RAB3IL1: variants seen among roughly 807,000 people sequenced by gnomAD.
RAB3IL1 encodes the protein guanine nucleotide exchange factor for Rab-3A.
In RAB3IL1, 37 loss-of-function variants were observed where a neutral mutation model predicts 49.2. The observed-to-expected ratio is 0.75, with a 90% CI of 0.58 to 0.99. The LOEUF (loss-of-function observed/expected upper bound fraction) is 0.99. RAB3IL1 is among the 50% of genes least tolerant of loss of function. The pLI is 0.00. For synonymous variants in RAB3IL1, 193 were observed against 213.9 expected (o/e 0.90, Z 0.85); for missense variants, 484 against 513.0 (o/e 0.94, Z 0.55).
chr11:61,913,609 T>C (rs535701019), intron 1 of RAB3IL1, among the ~76,000 whole-genome samples: 1 of 152,226 alleles, frequency 6.6e-6, no homozygotes, highest in South Asian at 2.1e-4. Flanking sequence ...AGGGGGCGCA[T>C]CTCACTACTC....
the RAB3IL1 span, among the ~76,000 whole-genome samples, chr11:61,940,134 G>A: frequency 1.3e-5 from 2 of 152,138 alleles, no homozygotes; most frequent in African/African-American, 4.8e-5. Context: ...GATAGAGCAA[G>A]ATGCTGTCTC....
intron 1 of RAB3IL1, among the ~76,000 whole-genome samples, chr11:61,916,646 G>C (rs910645974): frequency 6.6e-6 from 1 of 152,212 alleles, no homozygotes; most frequent in African/African-American, 2.4e-5. Context: ...CCCGGCCACG[G>C]GGAAGAGGAA....
upstream of RAB3IL1, among the ~76,000 whole-genome samples, chr11:61,923,598 A>G (rs368504145): frequency 6.7e-6 from 1 of 149,928 alleles, no homozygotes; most frequent in Non-Finnish European, 1.5e-5. Context: ...CCCCAAAAAC[A>G]TGTGTGCAGG....
upstream of RAB3IL1, chr11:61,917,690 A>G (rs1199464230): frequency 4.1e-6 from 2 of 492,986 alleles, no homozygotes; most frequent in Non-Finnish European, 5.2e-6. Flanking sequence ...CGGGACAGGG[A>G]GACCACGGCG....
At chr11:61,917,967 G>T (rs1190256575), upstream of RAB3IL1, among the ~76,000 whole-genome samples, 1 of 152,154 alleles carries the variant, frequency 6.6e-6, no homozygotes, top group Non-Finnish European at 1.5e-5. Context: ...CTGCCTGCTG[G>T]GAAGGGGAGG....
the RAB3IL1 span, among the ~76,000 whole-genome samples, chr11:61,940,458 A>G: frequency 6.6e-6 from 1 of 151,904 alleles, no homozygotes; most frequent in East Asian, 1.9e-4. Flanking sequence ...AAAAGAAAAA[A>G]AAAAGTAAAT....
At chr11:61,944,242 C>CCTTCCTTCCTTT in the RAB3IL1 span, among the ~76,000 whole-genome samples, 306 of 127,370 alleles carry the variant, frequency 2.4e-3, 2 homozygotes, top group South Asian at 3.1e-3. Context: ...TTCCTTCCTT[C>CCTTCCTTCCTTT]CTTCCTTCCT....
At chr11:61,920,016 T>A, upstream of RAB3IL1, 1 of 1,239,852 alleles carries the variant, frequency 8.1e-7, no homozygotes, top group African/African-American at 1.5e-5. Context: ...CCCCCTCCCC[T>A]CCATGCCCCA....
the RAB3IL1 span, among the ~76,000 whole-genome samples, chr11:61,932,562 T>C: frequency 6.6e-6 from 1 of 152,166 alleles, no homozygotes. Flanking sequence ...TGTATAGCAA[T>C]GAGCAAAACA....
In RAB3IL1 at chr11:61,917,348, C is replaced by A. The variant is rs1342699338; in HGVS notation, c.11+9G>T. The A allele has an allele frequency of 7.8e-7, 1 of 1,280,186 alleles. No individual in the cohort carries two copies. The highest frequency in any genetic ancestry group is 9.9e-7 in the Non-Finnish European group (1 of 1,013,874). 79.3% of individuals were successfully genotyped at this position (1,280,186 alleles called of 1,614,324 possible). ...CCCAGCGCGGGACCGCGAGCGCGCGCGGACCTACCCGCTCCACATCCCGGC... is the reference window on the plus strand; with the variant it reads ...CCCAGCGCGGGACCGCGAGCGCGCGAGGACCTACCCGCTCCACATCCCGGC... On this transcript the variant is annotated intron_variant, in intron 1 of 9. Coordinates refer to ENST00000394836, the MANE Select transcript of RAB3IL1 (RefSeq NM_013401.4).
chr11:61,911,175 G>A (rs1939439030), intron 1 of RAB3IL1, among the ~76,000 whole-genome samples: 1 of 152,224 alleles, frequency 6.6e-6, no homozygotes, highest in South Asian at 2.1e-4. Context: ...GGAGGCCTGT[G>A]ACAGAGTCTG....
At chr11:61,935,376 A>G in the RAB3IL1 span, among the ~76,000 whole-genome samples, 2 of 149,874 alleles carry the variant, frequency 1.3e-5, no homozygotes, top group African/African-American at 4.9e-5. Flanking sequence ...GCTGAGATTG[A>G]GCCACTGCAC....
In RAB3IL1 at chr11:61,917,486, T is replaced by C. The variant is rs900465035; in HGVS notation, c.-119A>G. On this transcript the variant is annotated 5_prime_UTR_variant, in exon 1 of 10. Coordinates refer to ENST00000394836, the MANE Select transcript of RAB3IL1 (RefSeq NM_013401.4). ...GAGCCGCCCCACCGCCTGTCAGCCC[T>C]GCCCGCGGCCGGTCAGTAGGTCTCA... 197 of 1,146,714 alleles carry C rather than the reference T, an allele frequency of 1.7e-4. No homozygotes were observed. Among genetic ancestry groups the C allele is most frequent in the Non-Finnish European group, 1.9e-4 (181 of 934,972 alleles). 71.0% of individuals were successfully genotyped at this position (1,146,714 alleles called of 1,614,324 possible).
Position 61,897,900 on chromosome 11 carries a change from C to G in RAB3IL1, c.*378G>C. ...ACCCAGAACAGTCCCTTTCTGAAGA[C>G]AAGCCAGCAACAAGGCACCTGCAGG... On this transcript the variant is annotated 3_prime_UTR_variant, in exon 10 of 10. Transcript: ENST00000394836. The G allele has an allele frequency of 4.6e-6, 1 of 218,830 alleles. No individual in the cohort carries two copies. Among genetic ancestry groups the G allele is most frequent in the Non-Finnish European group, 9.3e-6 (1 of 107,636 alleles). 13.6% of individuals were successfully genotyped at this position (218,830 alleles called of 1,614,324 possible).
the RAB3IL1 span, among the ~76,000 whole-genome samples, chr11:61,942,157 G>C: frequency 1.3e-5 from 2 of 152,160 alleles, no homozygotes; most frequent in African/African-American, 4.8e-5. Context: ...GTTGCAGTGA[G>C]CCATGATCGC....
intron 8 of RAB3IL1, among the ~76,000 whole-genome samples, chr11:61,901,781 G>A (rs1255142211): frequency 6.6e-6 from 1 of 152,206 alleles, no homozygotes; most frequent in East Asian, 1.9e-4. Flanking sequence ...GTTTTGAGGA[G>A]GACCCTGACT....
At chr11:61,926,104 C>CAAAAAAAAAAAAAAAAAAAAAAAAAA in the RAB3IL1 span, among the ~76,000 whole-genome samples, 2 of 64,064 alleles carry the variant, frequency 3.1e-5, no homozygotes. Flanking sequence ...TCCTTCCTGC[C>CAAAAAAAAAAAAAAAAAAAAAAAAAA]AAAAAAAAAA....
intron 7 of RAB3IL1, 47 bp from the exon 8 acceptor site, chr11:61,902,588 C>G: frequency 6.7e-7 from 1 of 1,495,222 alleles, no homozygotes; most frequent in Non-Finnish European, 9.1e-7. Context: ...GGGCTTGCCC[C>G]TCTCCCTCAC....
intron 1 of RAB3IL1, among the ~76,000 whole-genome samples, chr11:61,910,831 A>G (rs1939423748): frequency 6.6e-6 from 1 of 152,234 alleles, no homozygotes; most frequent in African/African-American, 2.4e-5. Flanking sequence ...CAGGATGGCC[A>G]TAGTCACTCA....
Sources: gnomAD v4.1 joint callset for allele counts (sites outside exome capture counted in the v4.1 genomes callset) on GRCh38, gnomAD v4.1.1 for gene constraint, MANE v1.5 for transcripts, NCBI Gene and HGNC (gene_info 2026-07-23, HGNC 2026-07-21) for gene names.